Variants in PKP2 observed in about 807,000 individuals in gnomAD.
PKP2 encodes the protein plakophilin-2.
A neutral mutation model predicts 83.4 loss-of-function variants in PKP2; 73 were observed. The ratio of observed to expected loss-of-function variants is 0.88; its 90% CI spans 0.72 to 1.06. The LOEUF (loss-of-function observed/expected upper bound fraction) is 1.06. PKP2 is among the 50% of genes least tolerant of loss of function. PKP2 has a pLI of 0.00. For synonymous variants in PKP2, 409 were observed against 430.4 expected, an observed-to-expected ratio of 0.95 and a Z score of 0.62; for missense variants, 966 against 1,065.4, an observed-to-expected ratio of 0.91 and a Z score of 1.30.
In PKP2 at chr12:32,832,059, A is replaced by G. The variant is rs193050956; in HGVS notation, c.1557-7897T>C. Among the ~76,000 whole-genome samples the G allele has an allele frequency of 4.7e-4, 72 of 152,300 alleles. 1 individual carries two copies. The East Asian group carries it at 0.012, about 26-fold the overall frequency. ...AAATCAGGATCTTATTTACCCATTT[A>G]AATACCACTTCCACCTTTTAAATTT... On this transcript the variant is annotated intron_variant, in intron 6 of 12. Transcript: ENST00000340811.
intron 4 of PKP2, among the ~76,000 whole-genome samples, chr12:32,865,591 C>T (rs528840183): frequency 3.5e-4 from 52 of 147,780 alleles, no homozygotes; most frequent in African/African-American, 1.3e-3. Flanking sequence ...GAGGCTGAGG[C>T]AGGAGAATAG....
chr12:32,839,592 C>T (rs939908069), intron 6 of PKP2, among the ~76,000 whole-genome samples: 2 of 152,048 alleles, frequency 1.3e-5, no homozygotes, highest in Non-Finnish European at 2.9e-5. Flanking sequence ...ACTTCCTTCA[C>T]TTCCTCAAGT....
chr12:32,863,822 CTA>C (rs1242308896), intron 4 of PKP2, among the ~76,000 whole-genome samples: 1 of 152,184 alleles, frequency 6.6e-6, no homozygotes, highest in African/African-American at 2.4e-5. Flanking sequence ...CCAGTTCATT[CTA>C]TGAGACTAGT....
chr12:32,794,119 A>T (rs1417941772), intron 11 of PKP2, among the ~76,000 whole-genome samples: 1 of 152,134 alleles, frequency 6.6e-6, no homozygotes, highest in Non-Finnish European at 1.5e-5. Context: ...CAAGAGTGAA[A>T]AGTCTTTCTC....
At chr12:32,808,368 C>T (rs1224090764) in intron 9 of PKP2, among the ~76,000 whole-genome samples, 1 of 152,220 alleles carries the variant, frequency 6.6e-6, no homozygotes, top group African/African-American at 2.4e-5. Context: ...TATTTTTCAG[C>T]TCCATCAAGT....
chr12:32,843,133 C>T (rs1008741102), intron 5 of PKP2: 20 of 425,142 alleles, frequency 4.7e-5, no homozygotes, highest in African/African-American at 2.6e-4. Context: ...GCGCAGACCA[C>T]GACACCCGGC....
At chr12:32,808,529 A>G (rs1005971228) in intron 9 of PKP2, among the ~76,000 whole-genome samples, 1 of 152,054 alleles carries the variant, frequency 6.6e-6, no homozygotes, top group Admixed American at 6.6e-5. Context: ...ACTTCTGTCA[A>G]CTCAGCCATC....
chr12:32,834,484 T>A (rs972982014), intron 6 of PKP2, among the ~76,000 whole-genome samples: 2 of 152,140 alleles, frequency 1.3e-5, no homozygotes, highest in African/African-American at 4.8e-5. Flanking sequence ...TAACAGAAGC[T>A]CCCTAGATGT....
chr12:32,792,403 G>A lies in PKP2; in HGVS notation c.*21C>T, dbSNP rs374423082. The A allele has an allele frequency of 2.6e-5, 42 of 1,594,160 alleles. No homozygotes were observed. Among genetic ancestry groups the A allele is most frequent in the East Asian group, 8.9e-5 (4 of 44,788 alleles). Reference sequence around the variant, plus strand: ...TTTTCCTTTGGGGATTTTTGCAGCCGAGAATACTTTGTCATTTTCCTCAGT... The same window carrying A: ...TTTTCCTTTGGGGATTTTTGCAGCCAAGAATACTTTGTCATTTTCCTCAGT... On this transcript the variant is annotated 3_prime_UTR_variant, in exon 13 of 13. Coordinates refer to ENST00000340811, the MANE Select transcript of PKP2 (RefSeq NM_001005242.3).
intron 6 of PKP2, among the ~76,000 whole-genome samples, chr12:32,836,116 C>T (rs1052058488): frequency 3.3e-5 from 5 of 152,208 alleles, no homozygotes; most frequent in African/African-American, 1.2e-4. Flanking sequence ...TTTTCCCACT[C>T]ATTAAGCTAG....
rs774823730 is a variant in PKP2 at position 32,850,753 on chromosome 12, C to T, written c.1378+13G>A. On this transcript the variant is annotated intron_variant, in intron 5 of 12. Coordinates refer to ENST00000340811, the MANE Select transcript of PKP2 (RefSeq NM_001005242.3). ...CAAATGTGTTAGGTTCTTCAATGTT[C>T]AGTAAGCACTACCTGTTATTTGTTT... 6.2e-7 allele frequency: 1 copy of T among 1,603,750 alleles called. No individual in the cohort carries two copies. Among genetic ancestry groups the T allele is most frequent in the South Asian group, 1.1e-5 (1 of 90,752 alleles).
At chr12:32,867,334 T>C (rs915409125) in intron 4 of PKP2, among the ~76,000 whole-genome samples, 1 of 152,002 alleles carries the variant, frequency 6.6e-6, no homozygotes, top group African/African-American at 2.4e-5. Flanking sequence ...TCTCAAAACA[T>C]AGAAAGAAAG....
At chr12:32,828,541 T>C (rs1956464699) in intron 6 of PKP2, among the ~76,000 whole-genome samples, 1 of 152,150 alleles carries the variant, frequency 6.6e-6, no homozygotes. Flanking sequence ...TTCCTGAAAT[T>C]AGGGTACCCT....
chr12:32,804,790 G>A (rs115725384), intron 9 of PKP2, among the ~76,000 whole-genome samples: 12,650 of 152,130 alleles, frequency 0.083, 1,289 homozygotes, highest in East Asian at 0.54. Context: ...ATAAGAGGAC[G>A]ATTTATATTC....
chr12:32,817,941 C>T (rs1451251489), intron 9 of PKP2, among the ~76,000 whole-genome samples: 3 of 152,168 alleles, frequency 2.0e-5, no homozygotes, highest in South Asian at 2.1e-4. Context: ...CTCATGGGGG[C>T]GCAAACCCTA....
At position 32,796,325 on chromosome 12, in the gene PKP2, A is replaced by G. The variant is rs751697502; in HGVS notation, c.2168-27T>C. The G allele has an allele frequency of 3.9e-6, 6 of 1,542,438 alleles. No individual in the cohort carries two copies. In the South Asian group the frequency reaches 5.7e-5, roughly 15 times the overall value. ...TACAAAATGAAAAAAAAAACAAAAC[A>G]CTTGATTAAAAAGATTGTTTCTTAA... On this transcript the variant is annotated intron_variant, in intron 10 of 12. Coordinates refer to ENST00000340811, the MANE Select transcript of PKP2 (RefSeq NM_001005242.3).
In PKP2 at chr12:32,850,822, C is replaced by T. The variant is rs753912985; in HGVS notation, c.1322G>A (p.Arg441Gln). ...GGTTTGCTTCAGCACCTGGAGCAGCCGAGGTACCCCATTTAGTTCAGCCAC... is the reference window on the plus strand; with the variant it reads ...GGTTTGCTTCAGCACCTGGAGCAGCTGAGGTACCCCATTTAGTTCAGCCAC... ...LEVAELNGVP[R>Q]LLQVLKQTRD... The change falls in exon 5 of 13, where the codon CGG becomes CAG. Residue 441 changes from arginine (R) to glutamine (Q), a missense_variant. Physicochemically the swap from Arg to Gln is conservative, Grantham distance 43 (BLOSUM62 1). Transcript: ENST00000340811. The T allele has an allele frequency of 8.1e-6, 13 of 1,613,616 alleles. No homozygotes were observed. Among genetic ancestry groups the T allele is most frequent in the South Asian group, 4.4e-5 (4 of 91,044 alleles).
Position 32,791,212 on chromosome 12 carries a change from G to C in PKP2, c.*1212C>G, listed in dbSNP as rs1175222754. ...ACAACATTTAATGTAGATTCATTTC[G>C]CTGGATGATGTCAACCATTTAAAAT... is the stretch of plus-strand genomic sequence containing the variant. On this transcript the variant is annotated 3_prime_UTR_variant, in exon 13 of 13. Transcript: ENST00000340811. 2.8e-5 allele frequency: 3 copies of C among 107,998 alleles called. No homozygotes were observed. Among genetic ancestry groups the C allele is most frequent in the Non-Finnish European group, 6.5e-5 (3 of 46,216 alleles). The allele number at this position is 107,998 out of a possible 1,614,324, so 6.7% of individuals were successfully genotyped here.
At chr12:32,837,865 T>G (rs1037616229) in intron 6 of PKP2, among the ~76,000 whole-genome samples, 2 of 152,180 alleles carry the variant, frequency 1.3e-5, no homozygotes, top group South Asian at 2.1e-4. Flanking sequence ...CCACAAAAAT[T>G]ATCATATCTC....
Sources: gnomAD v4.1 joint callset for allele counts (sites outside exome capture counted in the v4.1 genomes callset) on GRCh38, gnomAD v4.1.1 for gene constraint, MANE v1.5 for transcripts, NCBI Gene and HGNC (gene_info 2026-07-23, HGNC 2026-07-21) for gene names.